Variants in SLC35D4 observed in about 807,000 individuals in gnomAD.
SLC35D4 encodes the protein UDP-N-acetylglucosamine transporter SLC35D4.
chr18:23,305,257 T>C, the SLC35D4 span, among the ~76,000 whole-genome samples: 118,945 of 152,178 alleles, frequency 0.78, 47,197 homozygotes, highest in African/African-American at 0.92. Flanking sequence ...GCTGTCAAAT[T>C]ATCTACATAC....
the SLC35D4 span, among the ~76,000 whole-genome samples, chr18:23,420,600 T>G: frequency 6.6e-6 from 1 of 152,002 alleles, no homozygotes; most frequent in Non-Finnish European, 1.5e-5. Flanking sequence ...GGTCTCAAAC[T>G]CTTGGGTTCA....
At chr18:23,350,005 T>C in the SLC35D4 span, among the ~76,000 whole-genome samples, 6 of 152,260 alleles carry the variant, frequency 3.9e-5, no homozygotes, top group Non-Finnish European at 8.8e-5. Context: ...CACCCAGAGA[T>C]AGTTCCTACT....
chr18:23,261,992 A>G, the SLC35D4 span, among the ~76,000 whole-genome samples: 1 of 152,222 alleles, frequency 6.6e-6, no homozygotes, highest in African/African-American at 2.4e-5. Context: ...CTACAGGCTT[A>G]TTAAAGATGC....
At chr18:23,346,024 A>C in the SLC35D4 span, among the ~76,000 whole-genome samples, 1,573 of 152,196 alleles carry the variant, frequency 0.01, 27 homozygotes, top group African/African-American at 0.036. Flanking sequence ...TAATCCCAGC[A>C]CCTTGGGAGG....
the SLC35D4 span, among the ~76,000 whole-genome samples, chr18:23,368,459 G>A: frequency 7.2e-5 from 11 of 152,294 alleles, no homozygotes; most frequent in Admixed American, 5.9e-4. Context: ...TGAGAGAAAC[G>A]TCCTTTAGCC....
At chr18:23,339,927 T>C in the SLC35D4 span, among the ~76,000 whole-genome samples, 3 of 152,328 alleles carry the variant, frequency 2.0e-5, no homozygotes, top group Admixed American at 6.5e-5. Context: ...TTCAAGGTAT[T>C]GATGTTAGGG....
chr18:23,434,208 C>T, the SLC35D4 span, among the ~76,000 whole-genome samples: 1 of 152,166 alleles, frequency 6.6e-6, no homozygotes, highest in Non-Finnish European at 1.5e-5. Context: ...CCCATCTCCT[C>T]TCCTCCACTC....
At chr18:23,351,587 T>A in the SLC35D4 span, among the ~76,000 whole-genome samples, 2 of 152,182 alleles carry the variant, frequency 1.3e-5, no homozygotes, top group African/African-American at 4.8e-5. Flanking sequence ...AAATTAAATT[T>A]AATTAATTAA....
chr18:23,424,957 A>AT, the SLC35D4 span, among the ~76,000 whole-genome samples: 3 of 152,282 alleles, frequency 2.0e-5, no homozygotes, highest in East Asian at 5.8e-4. Flanking sequence ...TATAATAAAC[A>AT]TTTTTTTAAA....
the SLC35D4 span, among the ~76,000 whole-genome samples, chr18:23,411,401 G>A: frequency 1.7e-3 from 259 of 150,174 alleles, no homozygotes; most frequent in Non-Finnish European, 2.9e-3. Context: ...AAGGCAGAGA[G>A]AAGGGAATGG....
chr18:23,388,792 T>C, the SLC35D4 span, among the ~76,000 whole-genome samples: 46 of 152,138 alleles, frequency 3.0e-4, no homozygotes, highest in Non-Finnish European at 4.1e-4. Flanking sequence ...TCATAAGATC[T>C]GGTTGTTTAA....
chr18:23,392,030 T>A, the SLC35D4 span, among the ~76,000 whole-genome samples: 1 of 151,906 alleles, frequency 6.6e-6, no homozygotes. Flanking sequence ...CTCTGCTTCC[T>A]GGGTTCAAGC....
chr18:23,280,283 T>C, the SLC35D4 span, among the ~76,000 whole-genome samples: 1 of 152,202 alleles, frequency 6.6e-6, no homozygotes, highest in African/African-American at 2.4e-5. Context: ...CTCTGTCCAT[T>C]GGGTCTGCTC....
the SLC35D4 span, among the ~76,000 whole-genome samples, chr18:23,367,573 C>T: frequency 7.2e-5 from 11 of 152,224 alleles, no homozygotes; most frequent in South Asian, 6.2e-4. Flanking sequence ...ACCTTTTCCC[C>T]TCTGTGGCAT....
At chr18:23,409,661 A>G in the SLC35D4 span, among the ~76,000 whole-genome samples, 3 of 152,238 alleles carry the variant, frequency 2.0e-5, no homozygotes, top group East Asian at 1.9e-4. Context: ...GCCAATGTAT[A>G]GTAAAACACC....
At chr18:23,375,907 A>T in the SLC35D4 span, among the ~76,000 whole-genome samples, 2 of 152,208 alleles carry the variant, frequency 1.3e-5, no homozygotes, top group African/African-American at 2.4e-5. Flanking sequence ...TCTGAGTTTC[A>T]TATGCCAAAA....
the SLC35D4 span, among the ~76,000 whole-genome samples, chr18:23,361,902 T>C: frequency 6.6e-6 from 1 of 152,232 alleles, no homozygotes; most frequent in Non-Finnish European, 1.5e-5. Context: ...TACTATAAAA[T>C]TCACCCTTTT....
chr18:23,357,405 A>G, the SLC35D4 span, among the ~76,000 whole-genome samples: 1 of 152,214 alleles, frequency 6.6e-6, no homozygotes, highest in African/African-American at 2.4e-5. Context: ...CACAAACAAG[A>G]AGTCAGGAGA....
chr18:23,349,661 A>AT, the SLC35D4 span, among the ~76,000 whole-genome samples: 1 of 152,280 alleles, frequency 6.6e-6, no homozygotes, highest in Non-Finnish European at 1.5e-5. Context: ...ACAAAAGCCT[A>AT]TTTTTTTAGA....
Sources: gnomAD v4.1 joint callset for allele counts (sites outside exome capture counted in the v4.1 genomes callset) on GRCh38, gnomAD v4.1.1 for gene constraint, MANE v1.5 for transcripts, NCBI Gene and HGNC (gene_info 2026-07-23, HGNC 2026-07-21) for gene names.